The following FARS2 variants were observed in gnomAD, a reference collection of about 807,000 sequenced individuals.
The protein encoded by FARS2 is phenylalanyl-tRNA synthetase 2, mitochondrial.
A neutral mutation model predicts 46.4 loss-of-function variants in FARS2; 40 were observed. The ratio of observed to expected loss-of-function variants is 0.86; its 90% CI spans 0.67 to 1.12. FARS2 has a LOEUF of 1.12. Ranked by LOEUF, FARS2 falls within the 50% of genes most tolerant of loss-of-function variation. The pLI is 0.00. For synonymous variants in FARS2, 234 were observed against 214.9 expected (o/e 1.09, Z -0.78); for missense variants, 513 against 567.9 (o/e 0.90, Z 0.98).
chr6:5,438,246 GCC>G (rs111391099), intron 4 of FARS2, among the ~76,000 whole-genome samples: 11,461 of 35,672 alleles, frequency 0.32, 1,252 homozygotes, highest in Middle Eastern at 0.52. Flanking sequence ...CCCACCCCCC[GCC>G]CCCCCCCCCA....
chr6:5,333,354 T>C (rs1770932769), intron 1 of FARS2, among the ~76,000 whole-genome samples: 1 of 152,166 alleles, frequency 6.6e-6, no homozygotes, highest in African/African-American at 2.4e-5. Context: ...GTTGAATGAA[T>C]TTGCTAGTCA....
At chr6:5,515,644 G>T (rs956268874) in intron 4 of FARS2, among the ~76,000 whole-genome samples, 1 of 152,112 alleles carries the variant, frequency 6.6e-6, no homozygotes. Context: ...GGCCAGGCTG[G>T]TCTTGAACTC....
chr6:5,670,442 A>G (rs935000787), intron 6 of FARS2, among the ~76,000 whole-genome samples: 6 of 152,198 alleles, frequency 3.9e-5, no homozygotes, highest in African/African-American at 1.4e-4. Context: ...AGTAGAAACC[A>G]TGTCCTGTTG....
intron 6 of FARS2, among the ~76,000 whole-genome samples, chr6:5,728,522 TG>T (rs899274059): frequency 2.0e-5 from 3 of 152,194 alleles, no homozygotes; most frequent in African/African-American, 7.2e-5. Context: ...TGATTTTTGC[TG>T]TTGGCAAAGC....
intron 6 of FARS2, among the ~76,000 whole-genome samples, chr6:5,752,382 G>A (rs755100502): frequency 1.3e-5 from 2 of 151,978 alleles, no homozygotes; most frequent in Non-Finnish European, 2.9e-5. Context: ...AAATGTTCTC[G>A]GCAGCTGACA....
intron 4 of FARS2, among the ~76,000 whole-genome samples, chr6:5,432,330 AT>A (rs1562036409): frequency 7.9e-4 from 28 of 35,258 alleles, no homozygotes; most frequent in African/African-American, 1.8e-3. Flanking sequence ...AAAAAAAAAT[AT>A]ATATATATAT....
At chr6:5,266,616 A>G (rs981042850) in intron 1 of FARS2, among the ~76,000 whole-genome samples, 2 of 152,238 alleles carry the variant, frequency 1.3e-5, no homozygotes, top group East Asian at 3.8e-4. Context: ...CTGTCTAGCT[A>G]TGATACAACA....
chr6:5,392,757 C>T (rs1581969923), intron 2 of FARS2, among the ~76,000 whole-genome samples: 1 of 94,266 alleles, frequency 1.1e-5, no homozygotes, highest in Non-Finnish European at 2.0e-5. Flanking sequence ...CACACACACA[C>T]ACACACACAC....
At chr6:5,394,817 A>T (rs1335196218) in intron 2 of FARS2, among the ~76,000 whole-genome samples, 1 of 152,066 alleles carries the variant, frequency 6.6e-6, no homozygotes, top group Non-Finnish European at 1.5e-5. Context: ...CTGCAATATA[A>T]AAAGATTTTT....
chr6:5,556,459 C>A (rs1367565508), intron 5 of FARS2, among the ~76,000 whole-genome samples: 3 of 151,760 alleles, frequency 2.0e-5, no homozygotes, highest in Non-Finnish European at 4.4e-5. Flanking sequence ...CTTGCTTTGC[C>A]AACACTGATA....
chr6:5,349,057 C>G (rs1757412338), intron 1 of FARS2, among the ~76,000 whole-genome samples: 1 of 152,120 alleles, frequency 6.6e-6, no homozygotes, highest in South Asian at 2.1e-4. Flanking sequence ...ATATAATTGT[C>G]TACATAGAAA....
intron 4 of FARS2, among the ~76,000 whole-genome samples, chr6:5,539,197 G>A (rs1770410799): frequency 1.3e-5 from 2 of 150,728 alleles, no homozygotes; most frequent in African/African-American, 4.9e-5. Flanking sequence ...ATCCACTTAG[G>A]CCAGTGAACA....
At chr6:5,429,263 G>A (rs1018711759) in intron 3 of FARS2, among the ~76,000 whole-genome samples, 2 of 147,936 alleles carry the variant, frequency 1.4e-5, no homozygotes, top group Admixed American at 1.3e-4. Flanking sequence ...ATTTAACACA[G>A]AGAAAATAAG....
At chr6:5,438,913 CT>C (rs1763686070) in intron 4 of FARS2, among the ~76,000 whole-genome samples, 1 of 152,154 alleles carries the variant, frequency 6.6e-6, no homozygotes, top group South Asian at 2.1e-4. Context: ...CTGTGATTGA[CT>C]TTTGTTAAGA....
At chr6:5,656,694 G>A (rs1207176826) in intron 6 of FARS2, among the ~76,000 whole-genome samples, 2 of 152,112 alleles carry the variant, frequency 1.3e-5, no homozygotes, top group African/African-American at 2.4e-5. Context: ...GGGACTACAG[G>A]CGCATACTAC....
chr6:5,263,219 G>A (rs1056766220), intron 1 of FARS2, among the ~76,000 whole-genome samples: 3 of 152,030 alleles, frequency 2.0e-5, no homozygotes, highest in Non-Finnish European at 2.9e-5. Flanking sequence ...AATCATTAAC[G>A]TACATAATTA....
chr6:5,741,497 C>T (rs528152386), intron 6 of FARS2, among the ~76,000 whole-genome samples: 1 of 152,166 alleles, frequency 6.6e-6, no homozygotes, highest in Non-Finnish European at 1.5e-5. Context: ...TATGGTTCAG[C>T]GGGTGTTACC....
chr6:5,421,718 C>T (rs1762560468), intron 3 of FARS2, among the ~76,000 whole-genome samples: 1 of 152,192 alleles, frequency 6.6e-6, no homozygotes, highest in South Asian at 2.1e-4. Context: ...TTTGCTAAAA[C>T]ATAACAAAAG....
chr6:5,546,463 G>A (rs1316939650), intron 5 of FARS2, among the ~76,000 whole-genome samples: 4 of 151,438 alleles, frequency 2.6e-5, no homozygotes, highest in Non-Finnish European at 5.9e-5. Flanking sequence ...TGTTGGCCAG[G>A]CTGGTCTCAA....
Sources: gnomAD v4.1 joint callset for allele counts (sites outside exome capture counted in the v4.1 genomes callset) on GRCh38, gnomAD v4.1.1 for gene constraint, MANE v1.5 for transcripts, NCBI Gene and HGNC (gene_info 2026-07-23, HGNC 2026-07-21) for gene names.